BLTP3B: variants seen among roughly 807,000 people sequenced by gnomAD.
BLTP3B encodes the protein UHRF1 (ICBP90) binding protein 1-like.
At chr12:100,135,882 C>A in the BLTP3B span, among the ~76,000 whole-genome samples, 1 of 152,116 alleles carries the variant, frequency 6.6e-6, no homozygotes, top group Non-Finnish European at 1.5e-5. Flanking sequence ...CTAGTACATA[C>A]AGTGTCAAAA....
the BLTP3B span, among the ~76,000 whole-genome samples, chr12:100,052,294 T>C: frequency 1.3e-5 from 2 of 151,942 alleles, no homozygotes; most frequent in Non-Finnish European, 2.9e-5. Flanking sequence ...CTGCCTGCCT[T>C]GGCCTCCCAT....
At chr12:100,060,059 G>GT in the BLTP3B span, 5 of 1,543,916 alleles carry the variant, frequency 3.2e-6, no homozygotes, top group African/African-American at 1.4e-5. Flanking sequence ...GAGACAAGAT[G>GT]TTTTTTAAAA....
the BLTP3B span, among the ~76,000 whole-genome samples, chr12:100,083,640 C>T: frequency 4.0e-5 from 6 of 150,778 alleles, no homozygotes; most frequent in Non-Finnish European, 5.9e-5. Context: ...TAGTGTTATA[C>T]GTTTGTATAC....
chr12:100,047,463 C>A, the BLTP3B span: 3 of 1,183,730 alleles, frequency 2.5e-6, no homozygotes, highest in African/African-American at 1.5e-5. Flanking sequence ...CGTGCCATTG[C>A]ACTCAAGCCT....
the BLTP3B span, chr12:100,142,535 C>T: frequency 6.3e-7 from 1 of 1,579,804 alleles, no homozygotes; most frequent in Non-Finnish European, 8.6e-7. Context: ...CGCAGGCTGA[C>T]TCCAGTGCGG....
At chr12:100,111,769 C>G in the BLTP3B span, among the ~76,000 whole-genome samples, 1 of 152,080 alleles carries the variant, frequency 6.6e-6, no homozygotes, top group African/African-American at 2.4e-5. Flanking sequence ...CCACGCCCAG[C>G]TAATTTTTGT....
At chr12:100,094,752 CG>C in the BLTP3B span, among the ~76,000 whole-genome samples, 1 of 152,076 alleles carries the variant, frequency 6.6e-6, no homozygotes, top group Non-Finnish European at 1.5e-5. Flanking sequence ...CCCAGCTACG[CG>C]GGGGGCTGAG....
chr12:100,110,767 G>A, the BLTP3B span, among the ~76,000 whole-genome samples: 3 of 151,968 alleles, frequency 2.0e-5, no homozygotes, highest in African/African-American at 7.3e-5. Context: ...AATGCATAAA[G>A]GTTCTAAGAC....
the BLTP3B span, among the ~76,000 whole-genome samples, chr12:100,133,472 T>C: frequency 5.3e-5 from 8 of 151,926 alleles, no homozygotes; most frequent in African/African-American, 1.9e-4. Context: ...AAAACAAGAG[T>C]AGTGTTGAAA....
At chr12:100,054,746 A>G in the BLTP3B span, among the ~76,000 whole-genome samples, 1 of 152,304 alleles carries the variant, frequency 6.6e-6, no homozygotes, top group South Asian at 2.1e-4. Flanking sequence ...TATGTATGGT[A>G]CACATTCCCC....
the BLTP3B span, chr12:100,142,550 G>A: frequency 6.3e-7 from 1 of 1,597,764 alleles, no homozygotes; most frequent in East Asian, 2.3e-5. Flanking sequence ...GTGCGGGCTG[G>A]GGTGGAGGCC....
At chr12:100,132,569 C>A in the BLTP3B span, among the ~76,000 whole-genome samples, 1 of 152,334 alleles carries the variant, frequency 6.6e-6, no homozygotes, top group Admixed American at 6.5e-5. Context: ...AGCATAAAAG[C>A]CCTATCTGGA....
At chr12:100,073,270 T>C in the BLTP3B span, among the ~76,000 whole-genome samples, 1 of 151,572 alleles carries the variant, frequency 6.6e-6, no homozygotes, top group Non-Finnish European at 1.5e-5. Flanking sequence ...CTTGAGATAA[T>C]AAAAATTCTG....
the BLTP3B span, among the ~76,000 whole-genome samples, chr12:100,135,281 C>CTTTCTTTTT: frequency 1.4e-5 from 2 of 141,226 alleles, no homozygotes; most frequent in African/African-American, 2.8e-5. Context: ...TTCTTTCTTT[C>CTTTCTTTTT]TTTTTTTTTT....
chr12:100,071,897 C>T, the BLTP3B span, among the ~76,000 whole-genome samples: 1 of 152,190 alleles, frequency 6.6e-6, no homozygotes. Context: ...AATAACCTAG[C>T]TTTCATTGAT....
the BLTP3B span, among the ~76,000 whole-genome samples, chr12:100,135,560 C>T: frequency 2.0e-5 from 3 of 152,092 alleles, no homozygotes; most frequent in Non-Finnish European, 4.4e-5. Context: ...AGACACCACA[C>T]CCGGCCTCAA....
At chr12:100,132,157 T>C in the BLTP3B span, among the ~76,000 whole-genome samples, 2 of 152,204 alleles carry the variant, frequency 1.3e-5, no homozygotes, top group South Asian at 2.1e-4. Context: ...ACACATGTAA[T>C]TGATAAGAGA....
At chr12:100,124,619 C>T in the BLTP3B span, among the ~76,000 whole-genome samples, 1 of 151,910 alleles carries the variant, frequency 6.6e-6, no homozygotes, top group South Asian at 2.1e-4. Flanking sequence ...ATGGCACGCG[C>T]CTGTAATCCC....
chr12:100,039,471 C>A, the BLTP3B span: 2 of 1,023,888 alleles, frequency 2.0e-6, no homozygotes, highest in Non-Finnish European at 2.7e-6. Context: ...TAGCAAAGCA[C>A]CTGGGCACAA....
Sources: allele counts gnomAD v4.1 joint callset (sites outside exome capture counted in the v4.1 genomes callset), GRCh38; gene constraint gnomAD v4.1.1; transcripts MANE v1.5; gene names NCBI Gene and HGNC (gene_info 2026-07-23, HGNC 2026-07-21).